The following DCBLD1 variants were observed in gnomAD, a reference collection of about 807,000 sequenced individuals.
DCBLD1 encodes the protein discoidin, CUB and LCCL domain containing 1.
Under a neutral mutation model 71.5 loss-of-function variants are expected in DCBLD1, and 57 were observed. That is an observed-to-expected ratio of 0.80 (90% CI 0.64 to 0.99). DCBLD1 has a LOEUF of 0.99. Among genes scored for constraint, DCBLD1 ranks in the 50% least tolerant of loss-of-function variants. The probability of loss-of-function intolerance (pLI) is 0.00; values close to 1 mark genes in which losing one functional copy is unlikely to be tolerated. For missense variants in DCBLD1, 891 were observed against 923.5 expected (o/e 0.96, Z 0.46); for synonymous variants, 380 against 363.8 (o/e 1.04, Z -0.51).
At chr6:117,487,676 G>C (rs1777136872) in intron 1 of DCBLD1, among the ~76,000 whole-genome samples, 1 of 152,146 alleles carries the variant, frequency 6.6e-6, no homozygotes, top group Admixed American at 6.5e-5. Flanking sequence ...TAATGAAATT[G>C]TATGTCTAAT....
chr6:117,568,696 GAC>G (rs1779747376), intron 14 of DCBLD1, among the ~76,000 whole-genome samples: 1 of 152,198 alleles, frequency 6.6e-6, no homozygotes, highest in African/African-American at 2.4e-5. Context: ...CTGTCATGGA[GAC>G]ACAGATTTCA....
At chr6:117,517,567 A>G (rs952825826) in intron 2 of DCBLD1, among the ~76,000 whole-genome samples, 8 of 152,240 alleles carry the variant, frequency 5.3e-5, no homozygotes, top group African/African-American at 1.9e-4. Flanking sequence ...CTACCCAAGC[A>G]GAGGTTCTCT....
rs538450241 is a variant in DCBLD1 at position 117,547,339 on chromosome 6, G to A, written c.1616-568G>A. On this transcript the variant is annotated intron_variant, in intron 14 of 14. Coordinates refer to ENST00000338728, the MANE Select transcript of DCBLD1 (RefSeq NM_001366458.2). ...GCCTTGGTTTCCCATTTGTAAAATG[G>A]AGTAACAGTTCCTACCTCGGGATTT... Among the ~76,000 whole-genome samples the A allele has an allele frequency of 9.2e-5, 14 of 152,246 alleles. No individual in the cohort carries two copies. In the South Asian group the frequency reaches 2.9e-3, roughly 32 times the overall value.
chr6:117,559,319 G>GAGTT (rs773386972), intron 14 of DCBLD1, among the ~76,000 whole-genome samples: 18 of 152,346 alleles, frequency 1.2e-4, no homozygotes, highest in Non-Finnish European at 2.2e-4. Context: ...GATCACAATG[G>GAGTT]AGTTAAGACC....
At chr6:117,543,613 T>C (rs1562123163) in intron 12 of DCBLD1, among the ~76,000 whole-genome samples, 1 of 152,148 alleles carries the variant, frequency 6.6e-6, no homozygotes, top group Non-Finnish European at 1.5e-5. Flanking sequence ...TCTCATTTGA[T>C]CCTCCCAAAG....
At chr6:117,491,043 A>G (rs1610433) in intron 1 of DCBLD1, among the ~76,000 whole-genome samples, 1 of 152,244 alleles carries the variant, frequency 6.6e-6, no homozygotes, top group Admixed American at 6.5e-5. Flanking sequence ...TTACCAAGGC[A>G]TAAAATTTCC....
intron 3 of DCBLD1, 122 bp downstream of exon 3, chr6:117,520,072 A>G (rs1778335732): frequency 6.9e-7 from 1 of 1,450,350 alleles, no homozygotes; most frequent in African/African-American, 1.4e-5. Flanking sequence ...ATGAGGGAGA[A>G]GAGGAACATG....
chr6:117,523,222 A>G (rs1778441373), intron 4 of DCBLD1, among the ~76,000 whole-genome samples: 1 of 152,198 alleles, frequency 6.6e-6, no homozygotes, highest in South Asian at 2.1e-4. Flanking sequence ...GTGCCAGATT[A>G]TCTCAGCTTT....
Position 117,487,651 on chromosome 6 carries a change from C to G in DCBLD1, c.112+4758C>G, listed in dbSNP as rs569989270. Among the ~76,000 whole-genome samples the G allele has an allele frequency of 5.3e-5, 8 of 152,178 alleles. No individual in the cohort carries two copies. In the South Asian group the frequency reaches 1.7e-3, roughly 32 times the overall value. ...ATAAAAAAAGAAAAGAAATTAAAACCTGGACACGGCAAAGTAATGAAATTG... is the reference window on the plus strand; with the variant it reads ...ATAAAAAAAGAAAAGAAATTAAAACGTGGACACGGCAAAGTAATGAAATTG... On this transcript the variant is annotated intron_variant, in intron 1 of 14. Coordinates refer to ENST00000338728, the MANE Select transcript of DCBLD1 (RefSeq NM_001366458.2).
intron 12 of DCBLD1, 189 bp from the exon 13 acceptor site, chr6:117,544,339 A>ATT (rs1779194314): frequency 2.0e-6 from 1 of 488,034 alleles, no homozygotes; most frequent in Non-Finnish European, 3.5e-6. Context: ...CCTTTCTTAT[A>ATT]AATGAGATAA....
chr6:117,522,556 C>G (rs760536635), intron 4 of DCBLD1, among the ~76,000 whole-genome samples: 14 of 152,106 alleles, frequency 9.2e-5, no homozygotes, highest in Non-Finnish European at 1.9e-4. Flanking sequence ...ATGCTCCTGC[C>G]TCAGCCTCCC....
At chr6:117,494,125 G>A (rs1030208144) in intron 1 of DCBLD1, among the ~76,000 whole-genome samples, 1 of 152,096 alleles carries the variant, frequency 6.6e-6, no homozygotes, top group African/African-American at 2.4e-5. Flanking sequence ...CTAGTTTTTA[G>A]TAAGGGCCCT....
At chr6:117,520,582 G>C (rs1353162379) in intron 3 of DCBLD1, among the ~76,000 whole-genome samples, 3 of 152,192 alleles carry the variant, frequency 2.0e-5, no homozygotes, top group African/African-American at 4.8e-5. Context: ...TGTGTAGGAT[G>C]AGGAAGTCAG....
intron 2 of DCBLD1, among the ~76,000 whole-genome samples, chr6:117,504,547 G>C (rs1777775210): frequency 6.6e-6 from 1 of 152,218 alleles, no homozygotes; most frequent in South Asian, 2.1e-4. Flanking sequence ...GGCATCATCA[G>C]TAAGTGGACA....
downstream of DCBLD1, among the ~76,000 whole-genome samples, chr6:117,550,062 T>A (rs558895090): frequency 3.4e-4 from 52 of 152,370 alleles, no homozygotes; most frequent in African/African-American, 1.3e-3. Flanking sequence ...TATCAAAGTG[T>A]TGTCTATAGT....
intron 2 of DCBLD1, among the ~76,000 whole-genome samples, chr6:117,516,136 G>A (rs549194421): frequency 6.6e-6 from 1 of 151,798 alleles, no homozygotes; most frequent in South Asian, 2.1e-4. Flanking sequence ...GGCAGATCAC[G>A]AGGTCCGGAG....
chr6:117,562,958 T>C (rs549918471), intron 14 of DCBLD1: 4 of 320,478 alleles, frequency 1.2e-5, no homozygotes, highest in South Asian at 6.0e-5. Context: ...AGTAAAACAG[T>C]AGGGTTTCAT....
In DCBLD1 at chr6:117,548,548, A is replaced by G; in HGVS notation, c.*109A>G. On this transcript the variant is annotated 3_prime_UTR_variant, in exon 15 of 15. Transcript: ENST00000338728. ...TGTGCGTGTGTATCGGTGTGTGTGTACACTTGCATGTGTGTGTGTGATCCA... is the reference window on the plus strand; with the variant it reads ...TGTGCGTGTGTATCGGTGTGTGTGTGCACTTGCATGTGTGTGTGTGATCCA... 1.3e-6 allele frequency: 2 copies of G among 1,493,128 alleles called. No individual in the cohort carries two copies. Among genetic ancestry groups the G allele is most frequent in the Non-Finnish European group, 1.8e-6 (2 of 1,126,390 alleles). 92.5% of individuals were successfully genotyped at this position (1,493,128 alleles called of 1,614,324 possible).
intron 6 of DCBLD1, among the ~76,000 whole-genome samples, chr6:117,536,325 T>G (rs3756894): frequency 0.11 from 17,226 of 152,224 alleles, 1,666 homozygotes; most frequent in East Asian, 0.24. Context: ...ATAAAGCTAA[T>G]GTTGAGGCCC....
Sources: allele counts gnomAD v4.1 joint callset (sites outside exome capture counted in the v4.1 genomes callset), GRCh38; gene constraint gnomAD v4.1.1; transcripts MANE v1.5; gene names NCBI Gene and HGNC (gene_info 2026-07-23, HGNC 2026-07-21).